The following NBEA variants were observed in gnomAD, a reference collection of about 807,000 sequenced individuals.
The protein encoded by NBEA is lysosomal-trafficking regulator 2.
In NBEA, 44 loss-of-function variants were observed where a neutral mutation model predicts 343.4. The observed-to-expected ratio is 0.13, with a 90% CI of 0.10 to 0.16. The LOEUF (loss-of-function observed/expected upper bound fraction) is 0.16. NBEA is among the 10% of genes least tolerant of loss of function. NBEA has a pLI of 1.00. For missense variants in NBEA, 2,555 were observed against 3,631.3 expected (o/e 0.70, Z 7.62); for synonymous variants, 1,175 against 1,238.7 (o/e 0.95, Z 1.08).
At chr13:35,471,846 ATG>A (rs963170473) in intron 40 of NBEA, among the ~76,000 whole-genome samples, 2 of 151,940 alleles carry the variant, frequency 1.3e-5, no homozygotes, top group Non-Finnish European at 2.9e-5. Flanking sequence ...ACGCGTATGT[ATG>A]TGTGTGTAGC....
At chr13:35,216,938 G>A (rs908642755) in intron 33 of NBEA, among the ~76,000 whole-genome samples, 1 of 151,832 alleles carries the variant, frequency 6.6e-6, no homozygotes, top group Non-Finnish European at 1.5e-5. Context: ...CTTGCTCTAT[G>A]GTAAGTATAT....
At chr13:35,279,650 G>A (rs1441874733) in intron 34 of NBEA, among the ~76,000 whole-genome samples, 2 of 152,096 alleles carry the variant, frequency 1.3e-5, no homozygotes, top group Non-Finnish European at 2.9e-5. Context: ...CTTGATCTGT[G>A]CTGTCCAGAT....
chr13:35,446,438 G>A (rs1286492153), intron 39 of NBEA, among the ~76,000 whole-genome samples: 3 of 152,168 alleles, frequency 2.0e-5, no homozygotes, highest in African/African-American at 7.2e-5. Context: ...CACCAACAGT[G>A]TAAAAGTGTT....
chr13:34,986,072 G>C (rs939757883), intron 1 of NBEA, among the ~76,000 whole-genome samples: 5 of 150,222 alleles, frequency 3.3e-5, no homozygotes, highest in African/African-American at 1.2e-4. Flanking sequence ...TCTTCCTTCT[G>C]CTAGCTTTTG....
intron 10 of NBEA, among the ~76,000 whole-genome samples, chr13:35,072,860 G>A (rs1442904076): frequency 6.6e-6 from 1 of 152,126 alleles, no homozygotes; most frequent in Non-Finnish European, 1.5e-5. Context: ...ACTATGCCTG[G>A]CCCTGTTTAT....
chr13:35,232,365 G>A (rs2075023844), intron 33 of NBEA, 127 bp from the exon 34 acceptor site: 2 of 660,154 alleles, frequency 3.0e-6, no homozygotes, highest in Non-Finnish European at 2.5e-6. Flanking sequence ...TATACATGAA[G>A]CTTGTTATTA....
chr13:35,216,852 A>C (rs1021964141), intron 33 of NBEA, among the ~76,000 whole-genome samples: 2 of 151,956 alleles, frequency 1.3e-5, no homozygotes, highest in African/African-American at 4.8e-5. Flanking sequence ...ATTAAAAATA[A>C]AGTTACAGTG....
intron 1 of NBEA, among the ~76,000 whole-genome samples, chr13:35,009,980 G>A (rs1204784122): frequency 6.6e-6 from 1 of 152,158 alleles, no homozygotes; most frequent in Non-Finnish European, 1.5e-5. Flanking sequence ...AGTGAAACTA[G>A]AAAGCTCGCT....
At chr13:35,115,553 T>G (rs1368688238) in intron 13 of NBEA, among the ~76,000 whole-genome samples, 1 of 152,170 alleles carries the variant, frequency 6.6e-6, no homozygotes, top group African/African-American at 2.4e-5. Flanking sequence ...ATGTATGTAT[T>G]ACTAATTTAT....
chr13:35,159,745 G>A lies in NBEA; in HGVS notation c.3574G>A (p.Gly1192Ser), dbSNP rs540004972. 22 of 1,613,120 alleles carry A rather than the reference G, an allele frequency of 1.4e-5. No homozygotes were observed. Among genetic ancestry groups the A allele is most frequent in the African/African-American group, 9.3e-5 (7 of 74,976 alleles). Reference protein sequence around the residue: ...DDLGLLAHMTGSVDLTCTSSI... With the variant: ...DDLGLLAHMTSSVDLTCTSSI... ...TCTTGGATTGCTTGCTCACATGACC[G>A]GTAGCGTAGACTTAACTTGTACATC... The change falls in exon 22 of 59, where the codon GGT becomes AGT. Residue 1192 changes from glycine to serine, a missense_variant. Physicochemically the swap from Gly to Ser is moderately conservative, Grantham distance 56. This residue lies in a region of NBEA where 367 missense variants were observed against 377.5 expected (regional missense o/e 0.97). Transcript: ENST00000379939.
intron 55 of NBEA, among the ~76,000 whole-genome samples, chr13:35,659,947 GAGAGC>G (rs918362125): frequency 6.6e-6 from 1 of 152,332 alleles, no homozygotes; most frequent in Non-Finnish European, 1.5e-5. Context: ...CTGCATGAAA[GAGAGC>G]AGAGCAGAGC....
intron 41 of NBEA, chr13:35,476,049 A>T (rs2075848108): frequency 6.2e-7 from 1 of 1,614,144 alleles, no homozygotes; most frequent in African/African-American, 1.3e-5. Flanking sequence ...CTTCCCGGAT[A>T]GTTTTGGCAA....
In NBEA at chr13:35,308,466, A is replaced by G. The variant is rs367647564; in HGVS notation, c.5839-1062A>G. ...TATATATATATATATATATATATAT[A>G]TATATATGTATATATATATGTGTAT... On this transcript the variant is annotated intron_variant, in intron 35 of 58. Transcript: ENST00000379939. Among the ~76,000 whole-genome samples, 795 of 112,064 alleles carry G rather than the reference A, an allele frequency of 7.1e-3. 20 individuals are homozygous for G. Among genetic ancestry groups the G allele is most frequent in the South Asian group, 0.016 (59 of 3,676 alleles). 73.5% of individuals were successfully genotyped at this position (112,064 alleles called of 152,430 possible).
At chr13:34,995,138 A>G (rs1438648024) in intron 1 of NBEA, among the ~76,000 whole-genome samples, 3 of 152,198 alleles carry the variant, frequency 2.0e-5, no homozygotes, top group Non-Finnish European at 4.4e-5. Context: ...AGGTAAACCA[A>G]GTAAGCATTA....
intron 6 of NBEA, among the ~76,000 whole-genome samples, chr13:35,055,395 T>G (rs1452202877): frequency 6.6e-6 from 1 of 151,684 alleles, no homozygotes; most frequent in African/African-American, 2.4e-5. Context: ...TTAATAAATA[T>G]TCCCACATTG....
chr13:34,979,262 G>A (rs2060277370), intron 1 of NBEA, among the ~76,000 whole-genome samples: 1 of 152,082 alleles, frequency 6.6e-6, no homozygotes, highest in Non-Finnish European at 1.5e-5. Context: ...GGGCACAGTG[G>A]TTCACACCTG....
chr13:34,977,028 C>T (rs1267323299), intron 1 of NBEA, among the ~76,000 whole-genome samples: 3 of 150,406 alleles, frequency 2.0e-5, no homozygotes, highest in Non-Finnish European at 4.4e-5. Flanking sequence ...GTAACGTCTG[C>T]CTCCCAGGTT....
chr13:35,231,854 A>G (rs1291308878), intron 33 of NBEA, among the ~76,000 whole-genome samples: 1 of 152,130 alleles, frequency 6.6e-6, no homozygotes, highest in Non-Finnish European at 1.5e-5. Context: ...CTAAGCAGAA[A>G]TATTTTCCTC....
At chr13:35,347,420 A>G (rs2039944546) in intron 36 of NBEA, among the ~76,000 whole-genome samples, 1 of 152,118 alleles carries the variant, frequency 6.6e-6, no homozygotes, top group African/African-American at 2.4e-5. Flanking sequence ...CAATGAAGGA[A>G]TATGAGGATT....
Sources: allele counts gnomAD v4.1 joint callset (sites outside exome capture counted in the v4.1 genomes callset), GRCh38; gene constraint gnomAD v4.1.1; regional missense constraint gnomAD v4.1.1; transcripts MANE v1.5; gene names NCBI Gene and HGNC (gene_info 2026-07-23, HGNC 2026-07-21).